The following NR6A1 variants were observed in gnomAD, a reference collection of about 807,000 sequenced individuals.
NR6A1 encodes the protein nuclear receptor subfamily 6 group A member 1, also known as retinoic acid receptor-related testis-associated receptor.
In NR6A1, 7 loss-of-function variants were observed where a neutral mutation model predicts 59.1. That is an observed-to-expected ratio of 0.12 (90% CI 0.07 to 0.22). The LOEUF (loss-of-function observed/expected upper bound fraction) is 0.22. NR6A1 is among the 10% of genes least tolerant of loss of function. The pLI is 1.00. For synonymous variants in NR6A1, 243 were observed against 236.1 expected (o/e 1.03, Z -0.27); for missense variants, 468 against 611.6 (o/e 0.77, Z 2.48).
At chr9:124,540,656 G>C (rs1833415673) in intron 4 of NR6A1, among the ~76,000 whole-genome samples, 1 of 152,034 alleles carries the variant, frequency 6.6e-6, no homozygotes, top group Non-Finnish European at 1.5e-5. Flanking sequence ...AAAATTAGTT[G>C]GGCCTGGTGG....
intron 2 of NR6A1, among the ~76,000 whole-genome samples, chr9:124,711,695 C>A (rs910331739): frequency 4.6e-5 from 7 of 152,236 alleles, no homozygotes; most frequent in African/African-American, 1.7e-4. Flanking sequence ...CCTCCTACTG[C>A]CAATATTCAA....
At chr9:124,690,514 G>C (rs558185649) in intron 2 of NR6A1, among the ~76,000 whole-genome samples, 1 of 152,184 alleles carries the variant, frequency 6.6e-6, no homozygotes, top group Non-Finnish European at 1.5e-5. Context: ...TAAATAGTTG[G>C]ATTGGCTTGT....
chr9:124,660,390 G>A lies in NR6A1; in HGVS notation c.142+72918C>T, dbSNP rs1837392784. Among the ~76,000 whole-genome samples the A allele has an allele frequency of 5.9e-5, 9 of 152,130 alleles. No homozygotes were observed. In the South Asian group the frequency reaches 1.9e-3, roughly 31 times the overall value. Reference sequence around the variant, plus strand: ...CTACGAGTTAATCCTTCCTAGCATGGCTCTGAGCCTTCATGCCGAGCAGAC... The same window carrying A: ...CTACGAGTTAATCCTTCCTAGCATGACTCTGAGCCTTCATGCCGAGCAGAC... On this transcript the variant is annotated intron_variant, in intron 2 of 9. Coordinates refer to ENST00000487099, the MANE Select transcript of NR6A1 (RefSeq NM_033334.4).
intron 2 of NR6A1, among the ~76,000 whole-genome samples, chr9:124,566,179 G>T (rs1428755238): frequency 1.3e-5 from 2 of 152,198 alleles, no homozygotes; most frequent in Non-Finnish European, 1.5e-5. Context: ...AAAGAAGTGC[G>T]AAAGCAAAGA....
intron 2 of NR6A1, among the ~76,000 whole-genome samples, chr9:124,580,985 A>T (rs989689411): frequency 2.0e-5 from 3 of 152,198 alleles, no homozygotes; most frequent in African/African-American, 4.8e-5. Context: ...ATAAGACTGC[A>T]TGCCTACAGC....
At chr9:124,748,289 G>T (rs1247016330) in intron 1 of NR6A1, among the ~76,000 whole-genome samples, 1 of 152,122 alleles carries the variant, frequency 6.6e-6, no homozygotes, top group African/African-American at 2.4e-5. Flanking sequence ...TAAAGTCCAT[G>T]AGTTTATCAA....
At chr9:124,621,417 G>A (rs771915930) in intron 2 of NR6A1, among the ~76,000 whole-genome samples, 6 of 151,886 alleles carry the variant, frequency 4.0e-5, no homozygotes, top group Non-Finnish European at 7.4e-5. Context: ...TTGGGAGGCC[G>A]AGATGGATCA....
At chr9:124,549,212 C>T (rs1833695324) in intron 3 of NR6A1, among the ~76,000 whole-genome samples, 1 of 141,114 alleles carries the variant, frequency 7.1e-6, no homozygotes, top group African/African-American at 3.3e-5. Flanking sequence ...ACCTTGAAGT[C>T]AGGAGTAGAA....
intron 1 of NR6A1, among the ~76,000 whole-genome samples, chr9:124,751,259 T>C (rs1330544957): frequency 6.6e-6 from 1 of 152,226 alleles, no homozygotes; most frequent in Non-Finnish European, 1.5e-5. Context: ...ATCAATATAA[T>C]TGTTAAATCA....
chr9:124,695,641 A>T (rs1160410454), intron 2 of NR6A1, among the ~76,000 whole-genome samples: 5 of 152,132 alleles, frequency 3.3e-5, no homozygotes, highest in Non-Finnish European at 4.4e-5. Context: ...AATTGCTGGG[A>T]TTATAGGCAT....
chr9:124,673,440 A>G (rs71495531), intron 2 of NR6A1, among the ~76,000 whole-genome samples: 5 of 152,072 alleles, frequency 3.3e-5, no homozygotes, highest in Non-Finnish European at 7.3e-5. Context: ...AAGAAAATAA[A>G]TTTACAATCC....
intron 2 of NR6A1, among the ~76,000 whole-genome samples, chr9:124,649,542 C>G (rs1201434071): frequency 6.6e-6 from 1 of 152,110 alleles, no homozygotes; most frequent in Non-Finnish European, 1.5e-5. Flanking sequence ...GGACACGGGT[C>G]TGGCAAAGAT....
chr9:124,727,476 C>T (rs1291369840), intron 2 of NR6A1, among the ~76,000 whole-genome samples: 1 of 152,098 alleles, frequency 6.6e-6, no homozygotes, highest in East Asian at 1.9e-4. Flanking sequence ...AACTAGCATT[C>T]AGTTATTATT....
intron 1 of NR6A1, among the ~76,000 whole-genome samples, chr9:124,751,033 T>C (rs1160922614): frequency 1.4e-5 from 2 of 145,500 alleles, no homozygotes; most frequent in Non-Finnish European, 3.0e-5. Flanking sequence ...GAGTCCCATC[T>C]CTCCCACTTA....
intron 2 of NR6A1, among the ~76,000 whole-genome samples, chr9:124,694,595 T>C (rs1838681918): frequency 6.6e-6 from 1 of 152,196 alleles, no homozygotes; most frequent in Non-Finnish European, 1.5e-5. Flanking sequence ...AAAATTTAAA[T>C]GTAGTATCAA....
chr9:124,586,769 T>A (rs1834950071), intron 2 of NR6A1, among the ~76,000 whole-genome samples: 1 of 152,194 alleles, frequency 6.6e-6, no homozygotes, highest in Non-Finnish European at 1.5e-5. Flanking sequence ...CTTTAATGGA[T>A]GAGGAGTTGC....
At chr9:124,678,542 G>A (rs1471984881) in intron 2 of NR6A1, among the ~76,000 whole-genome samples, 1 of 152,112 alleles carries the variant, frequency 6.6e-6, no homozygotes, top group African/African-American at 2.4e-5. Context: ...TATCAGAAAG[G>A]TTGTTGGAAG....
intron 2 of NR6A1, among the ~76,000 whole-genome samples, chr9:124,606,268 T>C (rs1835573513): frequency 6.6e-6 from 1 of 152,128 alleles, no homozygotes; most frequent in African/African-American, 2.4e-5. Flanking sequence ...CTCCTACTCT[T>C]CCCTGCCCTA....
At chr9:124,596,273 C>T (rs371179926) in intron 2 of NR6A1, among the ~76,000 whole-genome samples, 10 of 151,010 alleles carry the variant, frequency 6.6e-5, no homozygotes, top group Non-Finnish European at 1.3e-4. Flanking sequence ...AAAGACAAAA[C>T]GGAAACTCAA....
Sources: allele counts gnomAD v4.1 joint callset (sites outside exome capture counted in the v4.1 genomes callset), GRCh38; gene constraint gnomAD v4.1.1; transcripts MANE v1.5; gene names NCBI Gene and HGNC (gene_info 2026-07-23, HGNC 2026-07-21).